The following LAPTM4B variants were observed in gnomAD, a reference collection of about 807,000 sequenced individuals.
LAPTM4B encodes the protein lysosomal protein transmembrane 4 beta.
A neutral mutation model predicts 28.5 loss-of-function variants in LAPTM4B; 26 were observed. The observed-to-expected ratio is 0.91, with a 90% CI of 0.67 to 1.27. The LOEUF is 1.27. Among genes scored for constraint, LAPTM4B ranks in the 50% most tolerant of loss-of-function variants. LAPTM4B has a pLI of 0.00. For missense variants in LAPTM4B, 288 were observed against 285.8 expected (o/e 1.01, Z -0.06); for synonymous variants, 109 against 106.4 (o/e 1.02, Z -0.15).
Position 97,825,074 on chromosome 8 carries a change from G to C in LAPTM4B, c.524G>C (p.Cys175Ser). ...CATTTTCAGGGTTACTTGATTAGCT[G>C]TGTTTGGAACTGCTACCGATACATC... ...ILTFKGYLISCVWNCYRYING... is the reference protein window; with the variant it reads ...ILTFKGYLISSVWNCYRYING... The change falls in exon 6 of 7, where the codon TGT becomes TCT. Residue 175 changes from cysteine (C) to serine (S), a missense_variant. Transcript: ENST00000521545. 1 of 1,607,686 alleles carries C rather than the reference G, an allele frequency of 6.2e-7. No homozygotes were observed. Among genetic ancestry groups the C allele is most frequent in the South Asian group, 1.1e-5 (1 of 90,772 alleles).
intron 1 of LAPTM4B, among the ~76,000 whole-genome samples, chr8:97,777,174 T>G (rs957424114): frequency 8.5e-6 from 1 of 118,232 alleles, no homozygotes; most frequent in African/African-American, 3.3e-5. Context: ...TGAGACAGAG[T>G]CTCACTCTGT....
chr8:97,806,131 A>G (rs12155986), intron 2 of LAPTM4B, among the ~76,000 whole-genome samples: 67,537 of 152,044 alleles, frequency 0.44, 15,485 homozygotes, highest in East Asian at 0.57. Flanking sequence ...AAAGTAAGAG[A>G]GGAGAGAGTG....
intron 6 of LAPTM4B, among the ~76,000 whole-genome samples, chr8:97,834,144 G>GGAAAAAAAAAAAA (rs1554593011): frequency 1.3e-5 from 1 of 75,342 alleles, no homozygotes. Context: ...TGTCTCTACA[G>GGAAAAAAAAAAAA]AAAAAAAAAA....
intron 1 of LAPTM4B, among the ~76,000 whole-genome samples, chr8:97,780,146 C>T (rs571798938): frequency 2.6e-4 from 40 of 151,580 alleles, no homozygotes; most frequent in African/African-American, 9.4e-4. Context: ...GAGTCCAGGC[C>T]GGGTACGGTG....
At chr8:97,776,515 C>G (rs1816219305) in intron 1 of LAPTM4B, among the ~76,000 whole-genome samples, 1 of 152,230 alleles carries the variant, frequency 6.6e-6, no homozygotes, top group Admixed American at 6.5e-5. Context: ...GCGGACGGAG[C>G]GGTCGCGGAG....
intron 2 of LAPTM4B, among the ~76,000 whole-genome samples, chr8:97,808,572 A>T (rs1208871879): frequency 6.6e-6 from 1 of 152,206 alleles, no homozygotes; most frequent in Non-Finnish European, 1.5e-5. Flanking sequence ...AGGAGACCAA[A>T]ACACATATAA....
chr8:97,849,101 A>G (rs1817477567), intron 6 of LAPTM4B, among the ~76,000 whole-genome samples: 1 of 152,118 alleles, frequency 6.6e-6, no homozygotes, highest in African/African-American at 2.4e-5. Context: ...TCACTGTAGC[A>G]AACACCTTGC....
intron 6 of LAPTM4B, among the ~76,000 whole-genome samples, chr8:97,839,967 T>TC (rs1817319912): frequency 6.6e-6 from 1 of 152,262 alleles, no homozygotes; most frequent in African/African-American, 2.4e-5. Context: ...TCATGAGCAG[T>TC]CCCTGCATCC....
intron 2 of LAPTM4B, among the ~76,000 whole-genome samples, chr8:97,809,691 C>A (rs1016426423): frequency 2.0e-5 from 3 of 152,064 alleles, no homozygotes; most frequent in Admixed American, 2.0e-4. Flanking sequence ...CAGAGCCAGA[C>A]CCTGTCTCAA....
At chr8:97,836,958 T>TAA (rs1190310244) in intron 6 of LAPTM4B, among the ~76,000 whole-genome samples, 1 of 151,860 alleles carries the variant, frequency 6.6e-6, no homozygotes, top group Non-Finnish European at 1.5e-5. Context: ...TATATATATA[T>TAA]AACATATAAG....
chr8:97,824,982 T>A (rs1466944037), intron 5 of LAPTM4B, 76 bp from the exon 6 acceptor site: 1 of 787,340 alleles, frequency 1.3e-6, no homozygotes, highest in African/African-American at 1.7e-5. Context: ...TTTTATAATA[T>A]GGCTTTATCT....
rs1586340234 is a variant in LAPTM4B, at chr8:97,829,057, A to T, written c.603+3904A>T. On this transcript the variant is annotated intron_variant, in intron 6 of 6. Transcript: ENST00000521545. ...GAGTCCTTGAGGCAGGCAGAACTGG[A>T]AATGCAGAGTAAAAAGGTAAGAGTG... 4.6e-5 allele frequency among the ~76,000 whole-genome samples: 7 copies of T among 152,254 alleles called. No individual in the cohort carries two copies. The South Asian group carries it at 1.5e-3, about 32-fold the overall frequency.
chr8:97,842,649 G>C lies in LAPTM4B; in HGVS notation c.604-8748G>C, dbSNP rs186196719. ...TTCTCCTGCCTCAGCCTCCAGAGTA[G>C]TTGGGACTACAGGCGCCCGCCACCA... On this transcript the variant is annotated intron_variant, in intron 6 of 6. Coordinates refer to ENST00000521545, the MANE Select transcript of LAPTM4B (RefSeq NM_018407.6). Among the ~76,000 whole-genome samples the C allele has an allele frequency of 3.9e-4, 60 of 152,224 alleles. No individual in the cohort carries two copies. The East Asian group carries it at 0.011, about 27-fold the overall frequency.
intron 1 of LAPTM4B, among the ~76,000 whole-genome samples, chr8:97,781,602 T>C (rs1271517638): frequency 1.3e-5 from 2 of 152,156 alleles, no homozygotes; most frequent in East Asian, 3.9e-4. Flanking sequence ...ATGTAGTTTA[T>C]TGAGTTGACA....
chr8:97,775,959 T>A lies in LAPTM4B; in HGVS notation c.-51T>A. Reference sequence around the variant, plus strand: ...GCGCGGCGGGCTCCAGGCGAGGCGGTCGACGCTCCTGAAAACTTGCGCGCG... The same window carrying A: ...GCGCGGCGGGCTCCAGGCGAGGCGGACGACGCTCCTGAAAACTTGCGCGCG... On this transcript the variant is annotated 5_prime_UTR_variant, in exon 1 of 7. Transcript: ENST00000521545. 1 of 1,449,944 alleles carries A rather than the reference T, an allele frequency of 6.9e-7. No homozygotes were observed. Among genetic ancestry groups the A allele is most frequent in the South Asian group, 1.3e-5 (1 of 76,832 alleles). 89.8% of individuals were successfully genotyped at this position (1,449,944 alleles called of 1,614,324 possible). A position where few individuals can be genotyped will look rare whatever the true frequency, so the allele number is the denominator to read the frequency against.
intron 1 of LAPTM4B, among the ~76,000 whole-genome samples, chr8:97,790,271 GTT>G (rs1314713129): frequency 6.7e-6 from 1 of 150,152 alleles, no homozygotes; most frequent in East Asian, 1.9e-4. Context: ...TCTATTTTTA[GTT>G]TTTTGAGGAA....
At chr8:97,797,290 A>G (rs939247530) in intron 1 of LAPTM4B, among the ~76,000 whole-genome samples, 1 of 151,968 alleles carries the variant, frequency 6.6e-6, no homozygotes, top group East Asian at 1.9e-4. Flanking sequence ...ATGCGCCACC[A>G]CGCACGGCTA....
At chr8:97,847,880 T>G (rs757117143) in intron 6 of LAPTM4B, among the ~76,000 whole-genome samples, 8 of 152,240 alleles carry the variant, frequency 5.3e-5, no homozygotes, top group Non-Finnish European at 8.8e-5. Context: ...TCAGAAACTT[T>G]AATGAAAGGA....
intron 2 of LAPTM4B, among the ~76,000 whole-genome samples, chr8:97,805,985 T>G (rs1454871232): frequency 6.6e-6 from 1 of 152,106 alleles, no homozygotes; most frequent in Non-Finnish European, 1.5e-5. Context: ...CCTCATCATT[T>G]TATAATCATT....
Sources: allele counts gnomAD v4.1 joint callset (sites outside exome capture counted in the v4.1 genomes callset), GRCh38; gene constraint gnomAD v4.1.1; transcripts MANE v1.5; gene names NCBI Gene and HGNC (gene_info 2026-07-23, HGNC 2026-07-21).